Variants in ALOX5 observed in about 807,000 individuals in gnomAD.
ALOX5 encodes polyunsaturated fatty acid 5-lipoxygenase.
Under a neutral mutation model 87.9 loss-of-function variants are expected in ALOX5, and 64 were observed. The observed-to-expected ratio is 0.73, with a 90% confidence interval of 0.60 to 0.90. The LOEUF (loss-of-function observed/expected upper bound fraction) is 0.90, where lower values mean the gene tolerates loss of function less well. ALOX5 is among the 40% of genes least tolerant of loss of function. ALOX5 has a pLI of 0.00. For synonymous variants in ALOX5, 388 were observed against 355.1 expected (o/e 1.09, Z -1.04); for missense variants, 822 against 907.5 (o/e 0.91, Z 1.21).
At position 45,374,351 on chromosome 10, in the gene ALOX5, C is replaced by G; in HGVS notation, c.72C>G (p.Leu24=). ...WFAGTDDYIY[L]SLVGSAGCSE... The stretch of plus-strand genomic sequence containing the variant: ...CCGGCACTGACGACTACATCTACCT[C>G]AGCCTCGTGGGCTCGGCGGGCTGCA... The change falls in exon 1 of 14, where the codon CTC becomes CTG. Residue 24 remains leucine, a synonymous_variant. Coordinates refer to ENST00000374391, the MANE Select transcript of ALOX5 (RefSeq NM_000698.5). The G allele has an allele frequency of 6.5e-7, 1 of 1,541,334 alleles. No homozygotes were observed. The highest frequency in any genetic ancestry group is 8.7e-7 in the Non-Finnish European group (1 of 1,146,054).
intron 2 of ALOX5, among the ~76,000 whole-genome samples, chr10:45,388,496 C>T (rs982750368): frequency 6.6e-6 from 1 of 152,236 alleles, no homozygotes; most frequent in Non-Finnish European, 1.5e-5. Context: ...ACAAAGCTTC[C>T]AGAGGAGCAA....
intron 2 of ALOX5, among the ~76,000 whole-genome samples, chr10:45,387,098 A>G (rs978529025): frequency 1.3e-5 from 2 of 152,168 alleles, no homozygotes; most frequent in Non-Finnish European, 2.9e-5. Flanking sequence ...TCTCTCCCCA[A>G]ATGCACACCA....
intron 3 of ALOX5, among the ~76,000 whole-genome samples, chr10:45,410,661 T>G (rs1024433273): frequency 8.5e-5 from 13 of 152,216 alleles, no homozygotes; most frequent in African/African-American, 3.1e-4. Flanking sequence ...TACTTTCCTC[T>G]CAAAAGAAAA....
chr10:45,389,839 A>G (rs1332472195), intron 2 of ALOX5, among the ~76,000 whole-genome samples: 1 of 152,234 alleles, frequency 6.6e-6, no homozygotes. Flanking sequence ...ATTCACACAT[A>G]ACAATATTAA....
chr10:45,441,485 C>T, intron 9 of ALOX5, 55 bp downstream of exon 9: 1 of 1,539,690 alleles, frequency 6.5e-7, no homozygotes, highest in South Asian at 1.1e-5. Context: ...TGGCCGCCTT[C>T]ACTCCCTATC....
intron 7 of ALOX5, among the ~76,000 whole-genome samples, chr10:45,432,675 A>G (rs549645225): frequency 3.3e-5 from 5 of 152,370 alleles, no homozygotes; most frequent in Admixed American, 3.3e-4. Context: ...TGCTTAGAAG[A>G]AAAAGAAAAA....
At chr10:45,437,604 G>A (rs1055994205) in intron 7 of ALOX5, among the ~76,000 whole-genome samples, 3 of 152,196 alleles carry the variant, frequency 2.0e-5, no homozygotes, top group South Asian at 2.1e-4. Context: ...TGTGCTGGAC[G>A]TGCTCACAGG....
intron 4 of ALOX5, among the ~76,000 whole-genome samples, chr10:45,414,808 C>T (rs1258590790): frequency 1.3e-5 from 2 of 152,186 alleles, no homozygotes; most frequent in Non-Finnish European, 2.9e-5. Flanking sequence ...AGAAGACATT[C>T]ATGCAGCCAA....
intron 2 of ALOX5, 96 bp downstream of exon 2, chr10:45,382,777 T>C (rs1839887336): frequency 2.1e-6 from 3 of 1,424,984 alleles, no homozygotes; most frequent in Non-Finnish European, 2.9e-6. Flanking sequence ...ATGACACTGC[T>C]GTGCAGGGGC....
At chr10:45,428,798 C>T in intron 7 of ALOX5, 34 bp downstream of exon 7, 1 of 1,611,226 alleles carries the variant, frequency 6.2e-7, no homozygotes, top group Non-Finnish European at 8.5e-7. Flanking sequence ...TTCTGAGCAG[C>T]TCAGTCCTCT....
intron 13 of ALOX5, chr10:45,444,772 C>G (rs1295353886): frequency 6.2e-6 from 1 of 160,016 alleles, no homozygotes; most frequent in African/African-American, 2.4e-5. Context: ...CTGAGTTGTT[C>G]CCGGCCAATG....
rs559976778 is a variant in ALOX5, at chr10:45,376,416, A to G, written c.150+1987A>G. On this transcript the variant is annotated intron_variant, in intron 1 of 13. Transcript: ENST00000374391. ...GTTTCCTTGAAAAAATCAGCTTTTG[A>G]GAAAGTTCCTGTTGATGCAAAGTTA... Among the ~76,000 whole-genome samples, 3 of 152,272 alleles carry G rather than the reference A, an allele frequency of 2.0e-5. No individual in the cohort carries two copies. In the South Asian group the frequency reaches 6.2e-4, roughly 32 times the overall value.
At chr10:45,400,181 A>G (rs1840649304) in intron 3 of ALOX5, among the ~76,000 whole-genome samples, 2 of 152,252 alleles carry the variant, frequency 1.3e-5, no homozygotes, top group African/African-American at 4.8e-5. Flanking sequence ...CAAAACTTGT[A>G]CACACATATT....
At chr10:45,383,563 T>A (rs536701373) in intron 2 of ALOX5, among the ~76,000 whole-genome samples, 2 of 152,318 alleles carry the variant, frequency 1.3e-5, no homozygotes, top group South Asian at 4.2e-4. Context: ...TCAAACTCTT[T>A]CTCTTTGCCA....
At chr10:45,399,249 T>C (rs1840615684) in intron 3 of ALOX5, among the ~76,000 whole-genome samples, 1 of 151,870 alleles carries the variant, frequency 6.6e-6, no homozygotes, top group South Asian at 2.1e-4. Context: ...AAAAGAAAAA[T>C]CTGTACAGAT....
At chr10:45,444,639 C>T (rs1373483833) in intron 13 of ALOX5, 5 of 281,956 alleles carry the variant, frequency 1.8e-5, no homozygotes, top group Admixed American at 1.5e-4. Context: ...CTTCCGGACA[C>T]GTGCATCTCA....
At chr10:45,410,211 G>C (rs1331789688) in intron 3 of ALOX5, among the ~76,000 whole-genome samples, 2 of 152,178 alleles carry the variant, frequency 1.3e-5, no homozygotes, top group Non-Finnish European at 2.9e-5. Flanking sequence ...ACTAATGATA[G>C]CTAATTAATT....
In ALOX5 at chr10:45,428,334, G is replaced by A. The variant is rs1841801849; in HGVS notation, c.835-284G>A. 6 of 491,960 alleles carry A rather than the reference G, an allele frequency of 1.2e-5. No homozygotes were observed. In the South Asian group the frequency reaches 1.4e-4, roughly 12 times the overall value. 30.5% of individuals were successfully genotyped at this position (491,960 alleles called of 1,614,324 possible). A position where few individuals can be genotyped will look rare whatever the true frequency, so the allele number is the denominator to read the frequency against. ...CTTTCTTCTTAGTAAACTGACACTCGGGTCGGTCTCTCATCTTTCGTGCCA... is the reference window on the plus strand; with the variant it reads ...CTTTCTTCTTAGTAAACTGACACTCAGGTCGGTCTCTCATCTTTCGTGCCA... On this transcript the variant is annotated intron_variant, in intron 6 of 13. Transcript: ENST00000374391.
At chr10:45,387,504 C>T (rs1019076395) in intron 2 of ALOX5, among the ~76,000 whole-genome samples, 2 of 152,158 alleles carry the variant, frequency 1.3e-5, no homozygotes, top group African/African-American at 2.4e-5. Flanking sequence ...ATGCCTTTCT[C>T]CTGGAGCAAA....
Sources: gnomAD v4.1 joint callset for allele counts (sites outside exome capture counted in the v4.1 genomes callset) on GRCh38, gnomAD v4.1.1 for gene constraint, MANE v1.5 for transcripts, NCBI Gene and HGNC (gene_info 2026-07-23, HGNC 2026-07-21) for gene names.